LRRC7: variants seen among roughly 807,000 people sequenced by gnomAD.
LRRC7 encodes the protein leucine-rich repeat-containing protein 7.
LRRC7 carries 23 observed loss-of-function variants against 175.7 expected under a neutral mutation model. The ratio of observed to expected loss-of-function variants is 0.13; its 90% CI spans 0.09 to 0.19. The LOEUF (loss-of-function observed/expected upper bound fraction) is 0.19, where lower values mean the gene tolerates loss of function less well. Ranked by LOEUF, LRRC7 falls within the 10% of genes least tolerant of loss-of-function variation. LRRC7 has a pLI of 1.00. For synonymous variants in LRRC7, 685 were observed against 680.9 expected (o/e 1.01, Z -0.09); for missense variants, 1,354 against 1,904.7 (o/e 0.71, Z 5.38).
chr1:69,869,323 G>A (rs1039394213), intron 7 of LRRC7, among the ~76,000 whole-genome samples: 1 of 152,116 alleles, frequency 6.6e-6, no homozygotes, highest in Admixed American at 6.6e-5. Flanking sequence ...TTACTTGGAT[G>A]TTAGAAATGA....
chr1:70,059,185 T>A (rs1271781948), intron 23 of LRRC7, among the ~76,000 whole-genome samples: 1 of 152,198 alleles, frequency 6.6e-6, no homozygotes, highest in Admixed American at 6.5e-5. Flanking sequence ...CTTTCCACCC[T>A]GAGTGTCTGT....
intron 26 of LRRC7, among the ~76,000 whole-genome samples, chr1:70,118,132 T>A (rs1665983191): frequency 6.6e-6 from 1 of 151,688 alleles, no homozygotes; most frequent in Non-Finnish European, 1.5e-5. Context: ...AGTTGGAATA[T>A]TGTGATTCTT....
intron 25 of LRRC7, among the ~76,000 whole-genome samples, chr1:70,099,210 A>G (rs1210299180): frequency 4.9e-5 from 7 of 141,558 alleles, no homozygotes; most frequent in Non-Finnish European, 9.1e-5. Context: ...AACAGAACCA[A>G]AGACAAAAAC....
chr1:69,907,080 A>C (rs1375822477), intron 7 of LRRC7, among the ~76,000 whole-genome samples: 4 of 152,004 alleles, frequency 2.6e-5, no homozygotes. Flanking sequence ...TTGGTGTATA[A>C]GAATGCTTGT....
At chr1:69,935,262 A>G (rs906993983) in intron 8 of LRRC7, among the ~76,000 whole-genome samples, 4 of 152,044 alleles carry the variant, frequency 2.6e-5, no homozygotes, top group African/African-American at 9.7e-5. Flanking sequence ...ACTGGGGAGG[A>G]CTATTTCAAG....
chr1:69,773,469 G>A (rs1029699560), intron 3 of LRRC7, among the ~76,000 whole-genome samples: 7 of 152,158 alleles, frequency 4.6e-5, no homozygotes, highest in Admixed American at 2.0e-4. Context: ...AACTGAGAGG[G>A]TGAGAGAGTG....
At chr1:69,843,114 G>A (rs1396940808) in intron 7 of LRRC7, among the ~76,000 whole-genome samples, 3 of 151,890 alleles carry the variant, frequency 2.0e-5, no homozygotes, top group Non-Finnish European at 2.9e-5. Flanking sequence ...CAACTGAATC[G>A]CTTGAACCTG....
At position 70,140,179 on chromosome 1, in the gene LRRC7, C is replaced by T. The variant is rs1292313448; in HGVS notation, c.*18292C>T. ...AATTGTTACATCAGGCTGCTTTTATCAAGCTAAGCATGGGCATGCCTTTCC... is the reference window on the plus strand; with the variant it reads ...AATTGTTACATCAGGCTGCTTTTATTAAGCTAAGCATGGGCATGCCTTTCC... On this transcript the variant is annotated 3_prime_UTR_variant, in exon 27 of 27. Coordinates refer to ENST00000651989, the MANE Select transcript of LRRC7 (RefSeq NM_001370785.2). 6.6e-6 allele frequency: 1 copy of T among 152,076 alleles called. No homozygotes were observed. Among genetic ancestry groups the T allele is most frequent in the African/African-American group, 2.4e-5 (1 of 41,434 alleles). 9.4% of individuals were successfully genotyped at this position (152,076 alleles called of 1,614,324 possible).
intron 19 of LRRC7, 39 bp from the exon 20 acceptor site, chr1:70,036,405 G>A (rs1659318575): frequency 2.6e-6 from 4 of 1,554,892 alleles, no homozygotes; most frequent in Non-Finnish European, 3.5e-6. Flanking sequence ...GTAATTGTCA[G>A]TGTCATAGCA....
chr1:70,001,202 C>T (rs138746443), intron 11 of LRRC7, among the ~76,000 whole-genome samples: 3 of 151,998 alleles, frequency 2.0e-5, no homozygotes, highest in East Asian at 3.9e-4. Context: ...GTAATCAGAA[C>T]AACTATATAG....
intron 7 of LRRC7, among the ~76,000 whole-genome samples, chr1:69,906,868 G>A (rs1225380414): frequency 6.6e-6 from 1 of 152,090 alleles, no homozygotes; most frequent in Non-Finnish European, 1.5e-5. Context: ...CCATATTCAC[G>A]ATATTGATTC....
At chr1:69,970,152 AC>A (rs1042930947) in intron 8 of LRRC7, among the ~76,000 whole-genome samples, 1 of 152,154 alleles carries the variant, frequency 6.6e-6, no homozygotes, top group African/African-American at 2.4e-5. Flanking sequence ...GAAAGTTCAT[AC>A]CCCTAAACAC....
chr1:69,672,923 C>T (rs886329093), intron 1 of LRRC7, among the ~76,000 whole-genome samples: 1 of 152,148 alleles, frequency 6.6e-6, no homozygotes, highest in South Asian at 2.1e-4. Context: ...ACTTGGCAAG[C>T]CTTTGATTGT....
intron 8 of LRRC7, among the ~76,000 whole-genome samples, chr1:69,945,204 C>G (rs997711832): frequency 2.6e-5 from 4 of 152,044 alleles, no homozygotes; most frequent in African/African-American, 9.7e-5. Context: ...GAATAATGGT[C>G]CAATTTCATA....
At chr1:70,115,943 A>G (rs1304375124) in intron 26 of LRRC7, among the ~76,000 whole-genome samples, 2 of 152,160 alleles carry the variant, frequency 1.3e-5, no homozygotes, top group Non-Finnish European at 2.9e-5. Flanking sequence ...TTAGGGGTTG[A>G]TTTTGCAGTT....
At chr1:70,091,707 A>G (rs933209636) in intron 25 of LRRC7, among the ~76,000 whole-genome samples, 1 of 152,304 alleles carries the variant, frequency 6.6e-6, no homozygotes, top group Admixed American at 6.5e-5. Flanking sequence ...TCTCATTTGT[A>G]ACATTTTGAT....
rs576265324 is a variant in LRRC7, at chr1:69,762,303, G to A, written c.303+1910G>A. Among the ~76,000 whole-genome samples the A allele has an allele frequency of 3.3e-5, 5 of 151,890 alleles. No homozygotes were observed. The South Asian group carries it at 6.2e-4, about 19-fold the overall frequency. On this transcript the variant is annotated intron_variant, in intron 3 of 26. Coordinates refer to ENST00000651989, the MANE Select transcript of LRRC7 (RefSeq NM_001370785.2). ...TACACAGTACTTGAAGCTTTAGGGA[G>A]GTTACAAGAGAAATAAATCTCGATC...
At chr1:69,982,319 C>T (rs1302968144) in intron 9 of LRRC7, among the ~76,000 whole-genome samples, 1 of 152,174 alleles carries the variant, frequency 6.6e-6, no homozygotes, top group Non-Finnish European at 1.5e-5. Flanking sequence ...TGGGAATACC[C>T]TACACCTCCC....
intron 23 of LRRC7, among the ~76,000 whole-genome samples, chr1:70,066,095 T>C (rs940651748): frequency 6.6e-6 from 1 of 151,998 alleles, no homozygotes; most frequent in Non-Finnish European, 1.5e-5. Flanking sequence ...ATCATTTTTT[T>C]CCAGTGGTTA....
Sources: allele counts gnomAD v4.1 joint callset (sites outside exome capture counted in the v4.1 genomes callset), GRCh38; gene constraint gnomAD v4.1.1; transcripts MANE v1.5; gene names NCBI Gene and HGNC (gene_info 2026-07-23, HGNC 2026-07-21).